BARHL1: variants seen among roughly 807,000 people sequenced by gnomAD.
BARHL1 encodes the protein BarH like homeobox 1, also known as barH-like 1 homeobox protein.
BARHL1 carries 2 observed loss-of-function variants against 20.1 expected under a neutral mutation model. The ratio of observed to expected loss-of-function variants is 0.10; its 90% CI spans 0.04 to 0.31. BARHL1 has a LOEUF of 0.31. BARHL1 is among the 10% of genes least tolerant of loss of function. The pLI, the probability that BARHL1 is intolerant of heterozygous loss-of-function variation, is 1.00. For missense variants in BARHL1, 397 were observed against 454.0 expected (o/e 0.87, Z 1.14); for synonymous variants, 213 against 209.9 (o/e 1.01, Z -0.13).
Position 132,587,397 on chromosome 9 carries a change from C to A in BARHL1, c.535C>A (p.Arg179Ser). The A allele has an allele frequency of 1.2e-6, 2 of 1,612,392 alleles. No individual in the cohort carries two copies. Among genetic ancestry groups the A allele is most frequent in the Non-Finnish European group, 1.7e-6 (2 of 1,179,702 alleles). ...TCCCCCGGTGCGCCTGAAAAAGCCA[C>A]GCAAGGCGCGCACGGCCTTCACCGA... The part of the protein sequence containing the change: ...DSPPVRLKKP[R>S]KARTAFTDHQ... Residue 179 changes from arginine (R) to serine (S), a missense_variant, in exon 2 of 3, where the codon CGC (arginine) becomes AGC (serine). Physicochemically the swap from Arg to Ser is moderately radical, Grantham distance 110 (BLOSUM62 -1). Transcript: ENST00000263610. This position sits in a 1 kb window ranked among gnomAD's most constrained non-coding sequence, Gnocchi z 5.5.
intron 1 of BARHL1, among the ~76,000 whole-genome samples, chr9:132,586,449 G>C (rs1396108416): frequency 6.6e-6 from 1 of 152,270 alleles, no homozygotes; most frequent in Non-Finnish European, 1.5e-5. Context: ...CCGAACGAAA[G>C]TGTCTGGGAT....
chr9:132,585,521 C>T (rs1449552149), intron 1 of BARHL1, among the ~76,000 whole-genome samples: 1 of 152,144 alleles, frequency 6.6e-6, no homozygotes, highest in Admixed American at 6.5e-5. Flanking sequence ...AGGTGGTCGG[C>T]GACACTAGCG....
rs381977 is a variant in BARHL1, at chr9:132,590,136, A to G, written c.*614A>G. 98,623 of 151,696 alleles carry G rather than the reference A, an allele frequency of 0.65. 33,060 individuals are homozygous for G. Among genetic ancestry groups the G allele is most frequent in the African/African-American group, 0.82 (33,803 of 41,360 alleles). The allele number at this position is 151,696 out of a possible 1,614,324, so 9.4% of individuals were successfully genotyped here. On this transcript the variant is annotated 3_prime_UTR_variant, in exon 3 of 3. Transcript: ENST00000263610. Reference sequence around the variant, plus strand: ...CTCCCAGGCGGGGCAGGAAGGGGCCAAGGGGGCTTGCCCACCCACCCCGAC... The same window carrying G: ...CTCCCAGGCGGGGCAGGAAGGGGCCGAGGGGGCTTGCCCACCCACCCCGAC...
In BARHL1 at chr9:132,590,158, C is replaced by G. The variant is rs1830195222; in HGVS notation, c.*636C>G. The G allele has an allele frequency of 6.6e-6, 1 of 151,670 alleles. No homozygotes were observed. Among genetic ancestry groups the G allele is most frequent in the African/African-American group, 2.4e-5 (1 of 41,294 alleles). 9.4% of individuals were successfully genotyped at this position (151,670 alleles called of 1,614,324 possible). On this transcript the variant is annotated 3_prime_UTR_variant, in exon 3 of 3. Coordinates refer to ENST00000263610, the MANE Select transcript of BARHL1 (RefSeq NM_020064.4). ...GCCAAGGGGGCTTGCCCACCCACCCCGACCCCAGCCCCCAGCCTCAGCCCC... is the reference window on the plus strand; with the variant it reads ...GCCAAGGGGGCTTGCCCACCCACCCGGACCCCAGCCCCCAGCCTCAGCCCC...
At position 132,588,709 on chromosome 9, in the gene BARHL1, G is replaced by T. The variant is rs118056382; in HGVS notation, c.690-519G>T. Among the ~76,000 whole-genome samples, 73 of 152,248 alleles carry T rather than the reference G, an allele frequency of 4.8e-4. 1 individual carries two copies. In the East Asian group the frequency reaches 0.012, roughly 25 times the overall value. On this transcript the variant is annotated intron_variant, in intron 2 of 2. Transcript: ENST00000263610. ...TGCGAGCCGGGAGCGGGTCCTCTCC[G>T]GTTGCCATTTCAGGCCTGCTCGCTT...
Position 132,583,155 on chromosome 9 carries a change from C to A in BARHL1, c.358C>A (p.Pro120Thr). The A allele has an allele frequency of 1.2e-6, 2 of 1,613,692 alleles. No individual in the cohort carries two copies. Among genetic ancestry groups the A allele is most frequent in the Non-Finnish European group, 1.7e-6 (2 of 1,179,988 alleles). The change falls in exon 1 of 3, where the codon CCG (proline) becomes ACG (threonine). Residue 120 changes from proline (P) to threonine (T), a missense_variant. Physicochemically the swap from Pro to Thr is conservative, Grantham distance 38. Coordinates refer to ENST00000263610, the MANE Select transcript of BARHL1 (RefSeq NM_020064.4). ...ACAPYSSSGQPAAPEPGGRLA... is the reference protein window; with the variant it reads ...ACAPYSSSGQTAAPEPGGRLA... ...TGCACCCTACTCTAGCAGCGGGCAG[C>A]CGGCAGCCCCTGAGCCTGGGGGCCG...
chr9:132,585,526 C>A (rs1328493153), intron 1 of BARHL1, among the ~76,000 whole-genome samples: 1 of 152,232 alleles, frequency 6.6e-6, no homozygotes, highest in African/African-American at 2.4e-5. Flanking sequence ...GTCGGCGACA[C>A]TAGCGGCTGG....
chr9:132,584,793 C>A (rs1265863976), intron 1 of BARHL1, among the ~76,000 whole-genome samples: 1 of 152,152 alleles, frequency 6.6e-6, no homozygotes, highest in Non-Finnish European at 1.5e-5. Flanking sequence ...GTGGTCCTTG[C>A]TCCTCCCCCG....
At position 132,589,227 on chromosome 9, in the gene BARHL1, G is replaced by A. The variant is rs745575701; in HGVS notation, c.690-1G>A. 6.2e-7 allele frequency: 1 copy of A among 1,608,882 alleles called. No homozygotes were observed. ...CCATACGCGTTTATTTCGGCCCCCA[G>A]GACTAAATGGAAGCGACAGACGGCC... On this transcript the variant is annotated splice_acceptor_variant, in intron 2 of 2. Transcript: ENST00000263610. LOFTEE classifies it high-confidence loss of function.
intron 1 of BARHL1, among the ~76,000 whole-genome samples, chr9:132,585,190 G>A (rs1428901116): frequency 3.3e-5 from 5 of 152,192 alleles, no homozygotes; most frequent in Admixed American, 3.3e-4. Context: ...GAAGGGGGTA[G>A]AAGGTCTTGC....
chr9:132,584,529 C>A (rs1239451027), intron 1 of BARHL1, among the ~76,000 whole-genome samples: 8 of 150,980 alleles, frequency 5.3e-5, no homozygotes, highest in Non-Finnish European at 1.5e-5. Context: ...CTATTTGGAC[C>A]AAGTCTTCCC....
chr9:132,584,916 GTTA>G (rs529193842), intron 1 of BARHL1, among the ~76,000 whole-genome samples: 1 of 152,306 alleles, frequency 6.6e-6, no homozygotes, highest in East Asian at 1.9e-4. Context: ...TAACATCATG[GTTA>G]TTATTTACCA....
Position 132,587,322 on chromosome 9 carries a change from T to C in BARHL1, c.467-7T>C. On this transcript the variant is annotated splice_polypyrimidine_tract_variant and splice_region_variant and intron_variant, in intron 1 of 2. Transcript: ENST00000263610. This position sits in a 1 kb window ranked among gnomAD's most constrained non-coding sequence, Gnocchi z 5.5. ...GGCCGGGCCCTGACATGCCGCTGTG[T>C]CCGCAGTGAAGGAGGAGGGCGACCG... 1.3e-6 allele frequency: 2 copies of C among 1,594,520 alleles called. No individual in the cohort carries two copies. The highest frequency in any genetic ancestry group is 2.0e-4 in the Middle Eastern group (1 of 5,042).
Position 132,589,358 on chromosome 9 carries a change from G to C in BARHL1, c.820G>C (p.Gly274Arg). The C allele has an allele frequency of 4.3e-6, 7 of 1,613,290 alleles. No homozygotes were observed. Among genetic ancestry groups the C allele is most frequent in the Non-Finnish European group, 5.9e-6 (7 of 1,179,946 alleles). ...PQSLVSNLDP[G>R]AALYLYRGPS... The stretch of plus-strand genomic sequence containing the variant: ...GAGTCTGGTTTCCAACCTGGACCCC[G>C]GCGCGGCGCTCTACCTGTACCGCGG... Residue 274 changes from glycine (G) to arginine (R), a missense_variant, in exon 3 of 3, where the codon GGC becomes CGC. By Grantham distance (125) the Gly-to-Arg change is moderately radical. Coordinates refer to ENST00000263610, the MANE Select transcript of BARHL1 (RefSeq NM_020064.4).
At chr9:132,586,102 C>A (rs1227711147) in intron 1 of BARHL1, among the ~76,000 whole-genome samples, 3 of 152,258 alleles carry the variant, frequency 2.0e-5, no homozygotes, top group East Asian at 3.9e-4. Context: ...TCTGCACTCT[C>A]CTGGCTCACC....
At chr9:132,583,340 G>A (rs1005228633) in intron 1 of BARHL1, 77 bp downstream of exon 1, 22 of 1,317,058 alleles carry the variant, frequency 1.7e-5, no homozygotes, top group Admixed American at 4.9e-5. Context: ...TACACATGGC[G>A]GGACATGCAC....
chr9:132,587,237 G>C lies in BARHL1; in HGVS notation c.467-92G>C, dbSNP rs1356806806. On this transcript the variant is annotated intron_variant, in intron 1 of 2. Coordinates refer to ENST00000263610, the MANE Select transcript of BARHL1 (RefSeq NM_020064.4). The surrounding 1 kb of genome is among the most constrained non-coding windows in gnomAD (Gnocchi z 5.5). ...GGGTGTCGCGGAACCACCGCTGTCG[G>C]AAGCCGAGGTTACACAAACGCCACG... 8.1e-7 allele frequency: 1 copy of C among 1,240,788 alleles called. No homozygotes were observed. The highest frequency in any genetic ancestry group is 1.1e-6 in the Non-Finnish European group (1 of 893,386). 76.9% of individuals were successfully genotyped at this position (1,240,788 alleles called of 1,614,324 possible). A position where few individuals can be genotyped will look rare whatever the true frequency, so the allele number is the denominator to read the frequency against.
At chr9:132,585,179 C>A (rs928184671) in intron 1 of BARHL1, among the ~76,000 whole-genome samples, 19 of 152,134 alleles carry the variant, frequency 1.2e-4, no homozygotes, top group African/African-American at 4.6e-4. Context: ...AGGTTTGGAG[C>A]GAAGGGGGTA....
At position 132,589,718 on chromosome 9, in the gene BARHL1, G is replaced by A; in HGVS notation, c.*196G>A. On this transcript the variant is annotated 3_prime_UTR_variant, in exon 3 of 3. Transcript: ENST00000263610. ...CCGGACCCCGGACTGCGTCTCCCCA[G>A]CCCCCCTCGGCGTCCTCTCTCGCGG... 1 of 704,618 alleles carries A rather than the reference G, an allele frequency of 1.4e-6. No homozygotes were observed. The highest frequency in any genetic ancestry group is 1.9e-6 in the Non-Finnish European group (1 of 517,200). The allele number at this position is 704,618 out of a possible 1,614,324, so 43.6% of individuals were successfully genotyped here.
Sources: gnomAD v4.1 joint callset for allele counts (sites outside exome capture counted in the v4.1 genomes callset) on GRCh38, gnomAD v4.1.1 for gene constraint, Gnocchi (gnomAD v3.1) non-coding constraint, MANE v1.5 for transcripts, NCBI Gene and HGNC (gene_info 2026-07-23, HGNC 2026-07-21) for gene names.